The following TRMU variants were observed in gnomAD, a reference collection of about 807,000 sequenced individuals.
The protein encoded by TRMU is mitochondrial tRNA-specific 2-thiouridylase 1.
TRMU carries 49 observed loss-of-function variants against 46.9 expected under a neutral mutation model. The ratio of observed to expected loss-of-function variants is 1.05; its 90% CI spans 0.83 to 1.33. The LOEUF (loss-of-function observed/expected upper bound fraction) is 1.33. Ranked by LOEUF, TRMU falls within the 40% of genes most tolerant of loss-of-function variation. The pLI is 0.00. For synonymous variants in TRMU, 241 were observed against 200.9 expected (o/e 1.20, Z -1.69); for missense variants, 572 against 532.4 (o/e 1.07, Z -0.73).
rs2078256172 is a variant in TRMU at position 46,346,325 on chromosome 22, T to G, written c.356-97T>G. ...TTGTGCAGCCCCTCAGCCTAAGACT[T>G]GGGGTCTATACTCTTCTTTTGTGCC... On this transcript the variant is annotated intron_variant, in intron 3 of 10. Coordinates refer to ENST00000645190, the MANE Select transcript of TRMU (RefSeq NM_018006.5). 1.4e-5 allele frequency: 20 copies of G among 1,477,000 alleles called. No individual in the cohort carries two copies. In the South Asian group the frequency reaches 2.4e-4, roughly 18 times the overall value. The allele number at this position is 1,477,000 out of a possible 1,614,324, so 91.5% of individuals were successfully genotyped here. A position where few individuals can be genotyped will look rare whatever the true frequency, so the allele number is the denominator to read the frequency against.
At position 46,337,772 on chromosome 22, in the gene TRMU, C is replaced by T. The variant is rs368205421; in HGVS notation, c.83-7C>T. ...GTATTCTCTTTAATTGACCTTCCCG[C>T]CCGCAGGTTACCAGGTGACAGGGGT... On this transcript the variant is annotated splice_polypyrimidine_tract_variant and splice_region_variant and intron_variant, in intron 1 of 10. Coordinates refer to ENST00000645190, the MANE Select transcript of TRMU (RefSeq NM_018006.5). 6.2e-7 allele frequency: 1 copy of T among 1,614,212 alleles called. No homozygotes were observed. The highest frequency in any genetic ancestry group is 1.7e-5 in the Admixed American group (1 of 60,030).
At position 46,351,651 on chromosome 22, in the gene TRMU, C is replaced by T. The variant is rs140941747; in HGVS notation, c.652-470C>T. ...AACGATGCAGCCCCTGATGGGGCCA[C>T]GGTGGAGAGCGCACGCCACCCAGGC... On this transcript the variant is annotated intron_variant, in intron 5 of 10. Transcript: ENST00000645190. The surrounding 1 kb of genome is among the most constrained non-coding windows in gnomAD (Gnocchi z 6.4). The T allele has an allele frequency of 4.2e-4, 117 of 275,558 alleles. No individual in the cohort carries two copies. The highest frequency in any genetic ancestry group is 6.2e-4 in the East Asian group (7 of 11,292). The allele number at this position is 275,558 out of a possible 1,614,324, so 17.1% of individuals were successfully genotyped here. A position where few individuals can be genotyped will look rare whatever the true frequency, so the allele number is the denominator to read the frequency against.
At chr22:46,345,053 T>C (rs1009187697) in intron 3 of TRMU, among the ~76,000 whole-genome samples, 2 of 152,198 alleles carry the variant, frequency 1.3e-5, no homozygotes, top group African/African-American at 4.8e-5. Flanking sequence ...TAAAAGTCTC[T>C]TGCAATACTA....
chr22:46,349,746 A>G lies in TRMU; in HGVS notation c.479-545A>G, dbSNP rs1229194615. On this transcript the variant is annotated intron_variant, in intron 4 of 10. Coordinates refer to ENST00000645190, the MANE Select transcript of TRMU (RefSeq NM_018006.5). The surrounding 1 kb of genome is among the most constrained non-coding windows in gnomAD (Gnocchi z 4.6). ...TAACAGATGTCAGCTGAGACTCTCA[A>G]CAAAAAAACGTTTTTACCAAGAAAG... is the stretch of plus-strand genomic sequence containing the variant. Among the ~76,000 whole-genome samples the G allele has an allele frequency of 3.9e-5, 6 of 152,210 alleles. No homozygotes were observed. Among genetic ancestry groups the G allele is most frequent in the African/African-American group, 1.4e-4 (6 of 41,454 alleles).
intron 9 of TRMU, 119 bp from the exon 10 acceptor site, chr22:46,355,871 C>T: frequency 8.3e-7 from 1 of 1,208,434 alleles, no homozygotes; most frequent in Non-Finnish European, 1.2e-6. Context: ...TGGTGCCCTG[C>T]CCTTCCCCTC....
chr22:46,337,506 C>T (rs1168852605), intron 1 of TRMU, among the ~76,000 whole-genome samples: 5 of 152,174 alleles, frequency 3.3e-5, no homozygotes, highest in Non-Finnish European at 7.3e-5. Flanking sequence ...GTATTCCACA[C>T]ACACTGGCTG....
In TRMU at chr22:46,352,325, A is replaced by C. The variant is rs1334228853; in HGVS notation, c.767A>C (p.His256Pro). ...SIEDNKVLGTHKGWFLYTLGQ... is the reference protein window; with the variant it reads ...SIEDNKVLGTPKGWFLYTLGQ... ...GAAGACAATAAGGTTCTGGGAACAC[A>C]TAAAGGTGAGGTGCAGACTCTGCCA... is the stretch of plus-strand genomic sequence containing the variant. The change falls in exon 7 of 11, where the codon CAT (histidine) becomes CCT (proline). Residue 256 changes from histidine (H) to proline (P), a missense_variant. Coordinates refer to ENST00000645190, the MANE Select transcript of TRMU (RefSeq NM_018006.5). 6.2e-7 allele frequency: 1 copy of C among 1,614,000 alleles called. No individual in the cohort carries two copies. The highest frequency in any genetic ancestry group is 8.5e-7 in the Non-Finnish European group (1 of 1,180,014).
At chr22:46,352,651 T>TTAAAC (rs1601979327) in intron 7 of TRMU, 7 of 444,006 alleles carry the variant, frequency 1.6e-5, no homozygotes, top group South Asian at 1.3e-4. Context: ...AAGGAAAATG[T>TTAAAC]TAAACTACAC....
In TRMU at chr22:46,349,487, C is replaced by T. The variant is rs140434873; in HGVS notation, c.479-804C>T. On this transcript the variant is annotated intron_variant, in intron 4 of 10. Transcript: ENST00000645190. The surrounding 1 kb of genome is among the most constrained non-coding windows in gnomAD (Gnocchi z 4.6). ...AAGGGTAGGTGTGCTGTCTGACCGT[C>T]ACGGCATGTGGCGTGCTCTGAGTGT... Among the ~76,000 whole-genome samples, 1 of 152,340 alleles carries T rather than the reference C, an allele frequency of 6.6e-6. No individual in the cohort carries two copies. The highest frequency in any genetic ancestry group is 1.9e-4 in the East Asian group (1 of 5,184).
chr22:46,353,672 C>G, intron 7 of TRMU, 95 bp from the exon 8 acceptor site: 1 of 1,158,262 alleles, frequency 8.6e-7, no homozygotes, highest in Non-Finnish European at 1.3e-6. Flanking sequence ...TGGGCCTGCT[C>G]TGGGCTGCCC....
At chr22:46,337,220 C>T (rs1183850395) in intron 1 of TRMU, among the ~76,000 whole-genome samples, 3 of 152,174 alleles carry the variant, frequency 2.0e-5, no homozygotes, top group African/African-American at 7.2e-5. Context: ...CATACAGGGT[C>T]TGCACCTGTG....
In TRMU at chr22:46,339,967, C is replaced by T. The variant is rs2078078723; in HGVS notation, c.248+2023C>T. ...AAAAAAAGAGTGTGGCGGCCAAATA[C>T]AGGATAAATCTGGGGGAAGACCAAA... On this transcript the variant is annotated intron_variant, in intron 2 of 10. Coordinates refer to ENST00000645190, the MANE Select transcript of TRMU (RefSeq NM_018006.5). This position sits in a 1 kb window ranked among gnomAD's most constrained non-coding sequence, Gnocchi z 4.8. 6.6e-6 allele frequency among the ~76,000 whole-genome samples: 1 copy of T among 151,158 alleles called. No individual in the cohort carries two copies. The highest frequency in any genetic ancestry group is 6.6e-5 in the Admixed American group (1 of 15,192).
At position 46,337,929 on chromosome 22, in the gene TRMU, G is replaced by A. The variant is rs771612478; in HGVS notation, c.233G>A (p.Trp78Ter). ...FHQVSYVKEY[W>*]NDVFSDFLNE... ...CAAGTGTCCTACGTAAAGGAGTATT[G>A]GAATGATGTGTTCAGGTGAGTGCGG... The change falls in exon 2 of 11, where the codon TGG (tryptophan) becomes TAG (stop). Residue 78 changes from tryptophan (W) to a stop codon, truncating the protein, a stop_gained. Transcript: ENST00000645190. LOFTEE classifies it high-confidence loss of function. 1.2e-6 allele frequency: 2 copies of A among 1,614,140 alleles called. No individual in the cohort carries two copies. The highest frequency in any genetic ancestry group is 2.2e-5 in the South Asian group (2 of 91,078).
chr22:46,340,047 AGT>A (rs2078081105), intron 2 of TRMU, among the ~76,000 whole-genome samples: 1 of 151,536 alleles, frequency 6.6e-6, no homozygotes, highest in East Asian at 1.9e-4. Context: ...ATGGGGAGGG[AGT>A]GTGGGAGTGG....
Position 46,346,472 on chromosome 22 carries a change from G to A in TRMU, c.406G>A (p.Glu136Lys). Residue 136 changes from glutamate to lysine, a missense_variant, in exon 4 of 11, where the codon GAA becomes AAA. Coordinates refer to ENST00000645190, the MANE Select transcript of TRMU (RefSeq NM_018006.5). Reference protein sequence around the residue: ...GHYARTSLEDEEVFEQKHVKK... With the variant: ...GHYARTSLEDKEVFEQKHVKK... Reference sequence around the variant, plus strand: ...CTATGCAAGAACTTCCCTGGAAGATGAAGAAGTCTTTGAGCAGAAGCACGT... The same window carrying A: ...CTATGCAAGAACTTCCCTGGAAGATAAAGAAGTCTTTGAGCAGAAGCACGT... The A allele has an allele frequency of 6.2e-7, 1 of 1,613,706 alleles. No homozygotes were observed.
At chr22:46,345,704 T>C (rs1398887039) in intron 3 of TRMU, among the ~76,000 whole-genome samples, 1 of 152,096 alleles carries the variant, frequency 6.6e-6, no homozygotes, top group Non-Finnish European at 1.5e-5. Context: ...AGGACCCCCA[T>C]TGTTACGGCA....
intron 9 of TRMU, 150 bp downstream of exon 9, chr22:46,355,738 C>CCT: frequency 1.5e-6 from 2 of 1,363,848 alleles, no homozygotes; most frequent in Non-Finnish European, 2.0e-6. Context: ...ACTCCCGTGT[C>CCT]CTGTGCCTGC....
At position 46,339,143 on chromosome 22, in the gene TRMU, C is replaced by T. The variant is rs2078055893; in HGVS notation, c.248+1199C>T. Among the ~76,000 whole-genome samples the T allele has an allele frequency of 6.6e-6, 1 of 150,950 alleles. No individual in the cohort carries two copies. Among genetic ancestry groups the T allele is most frequent in the Admixed American group, 6.6e-5 (1 of 15,228 alleles). On this transcript the variant is annotated intron_variant, in intron 2 of 10. Coordinates refer to ENST00000645190, the MANE Select transcript of TRMU (RefSeq NM_018006.5). The surrounding 1 kb of genome is among the most constrained non-coding windows in gnomAD (Gnocchi z 4.8). ...ATTAGTAAGCAGTCAATAAACATAGCTGTTTTTCTTTTCTATTTTTTTTTG... is the reference window on the plus strand; with the variant it reads ...ATTAGTAAGCAGTCAATAAACATAGTTGTTTTTCTTTTCTATTTTTTTTTG...
chr22:46,346,287 G>C, intron 3 of TRMU, 135 bp from the exon 4 acceptor site: 1 of 1,028,776 alleles, frequency 9.7e-7, no homozygotes, highest in South Asian at 1.7e-5. Context: ...TCTATGTTTG[G>C]GTGCAGGGTG....
Sources: gnomAD v4.1 joint callset for allele counts (sites outside exome capture counted in the v4.1 genomes callset) on GRCh38, gnomAD v4.1.1 for gene constraint, Gnocchi (gnomAD v3.1) non-coding constraint, MANE v1.5 for transcripts, NCBI Gene and HGNC (gene_info 2026-07-23, HGNC 2026-07-21) for gene names.